Variants in OR51B5 observed in about 807,000 individuals in gnomAD.
The protein encoded by OR51B5 is olfactory receptor family 51 subfamily B member 5, also known as olfactory receptor 51B5.
For missense variants in OR51B5, 456 were observed against 374.6 expected, an observed-to-expected ratio of 1.22 and a Z score of -1.79; for synonymous variants, 186 against 144.8, an observed-to-expected ratio of 1.28 and a Z score of -2.04.
chr11:5,372,866 C>A (rs548270168), intron 1 of OR51B5, among the ~76,000 whole-genome samples: 1 of 152,256 alleles, frequency 6.6e-6, no homozygotes, highest in African/African-American at 2.4e-5. Flanking sequence ...ATGGCCAAAA[C>A]AATCTTGAGA....
intron 1 of OR51B5, chr11:5,390,402 T>G: frequency 1.3e-6 from 2 of 1,538,694 alleles, no homozygotes; most frequent in Non-Finnish European, 1.8e-6. Flanking sequence ...AAACTCCCCC[T>G]AGAGGCCTAT....
At chr11:5,388,950 C>T (rs913622201) in intron 1 of OR51B5, among the ~76,000 whole-genome samples, 1 of 151,918 alleles carries the variant, frequency 6.6e-6, no homozygotes, top group Non-Finnish European at 1.5e-5. Context: ...TGACTTGAGC[C>T]ACTGAGATAA....
At chr11:5,489,734 C>T (rs767656962) in intron 1 of OR51B5, 4 of 1,024,286 alleles carry the variant, frequency 3.9e-6, no homozygotes, top group Non-Finnish European at 4.5e-6. Flanking sequence ...CATGGACACA[C>T]AGTGATGATG....
intron 1 of OR51B5, among the ~76,000 whole-genome samples, chr11:5,446,121 G>A (rs568826148): frequency 1.3e-5 from 2 of 152,170 alleles, no homozygotes; most frequent in South Asian, 2.1e-4. Flanking sequence ...GGGGGAGAGT[G>A]GAGGGATAGC....
At chr11:5,492,252 TCA>T (rs1368959503) in intron 1 of OR51B5, among the ~76,000 whole-genome samples, 1 of 151,670 alleles carries the variant, frequency 6.6e-6, no homozygotes, top group East Asian at 1.9e-4. Context: ...ACACACTCAC[TCA>T]CACACATTTT....
intron 1 of OR51B5, among the ~76,000 whole-genome samples, chr11:5,488,518 A>G (rs402182): frequency 0.96 from 146,316 of 152,302 alleles, 70,318 homozygotes; most frequent in South Asian, 0.99. Flanking sequence ...AAATTAGCAG[A>G]AGGTTTTAAA....
At chr11:5,403,634 T>A in intron 1 of OR51B5, 1 of 396,640 alleles carries the variant, frequency 2.5e-6, no homozygotes, top group Admixed American at 2.8e-5. Context: ...GTTATGCGAT[T>A]GATATCACCT....
rs56677841 is a variant in OR51B5, at chr11:5,452,504, C to CAAAAAAAAAAAAA, written n.84+53052_84+53064dup. ...TGGGCAAAAGAGAGAGACTCTGTCTCAAAAAAAAAAAAAAAAAAAAAAAAA... is the reference window on the plus strand; with the variant it reads ...TGGGCAAAAGAGAGAGACTCTGTCTCAAAAAAAAAAAAAAAAAAAAAAAAAAAAAAAAAAAAAA... On this transcript the variant is annotated intron_variant and non_coding_transcript_variant, in intron 1 of 4. Transcript: ENST00000415970. 1.4e-4 allele frequency among the ~76,000 whole-genome samples: 10 copies of CAAAAAAAAAAAAA among 69,188 alleles called. 2 individuals carry two copies. Among genetic ancestry groups the CAAAAAAAAAAAAA allele is most frequent in the Non-Finnish European group, 2.1e-4 (8 of 38,396 alleles). The allele number at this position is 69,188 out of a possible 152,430, so 45.4% of individuals were successfully genotyped here. A position where few individuals can be genotyped will look rare whatever the true frequency, so the allele number is the denominator to read the frequency against.
chr11:5,361,915 C>T (rs1849291697), intron 1 of OR51B5, among the ~76,000 whole-genome samples: 1 of 152,004 alleles, frequency 6.6e-6, no homozygotes. Flanking sequence ...AGTACTTACT[C>T]CCAAAAAAGA....
At chr11:5,354,289 C>G (rs1849152434) in intron 1 of OR51B5, among the ~76,000 whole-genome samples, 1 of 152,174 alleles carries the variant, frequency 6.6e-6, no homozygotes, top group African/African-American at 2.4e-5. Context: ...GAAAATCTTT[C>G]TTGACTCACC....
chr11:5,389,967 T>A lies in OR51B5; in HGVS notation n.85-43057A>T, dbSNP rs369196155. 2.2e-5 allele frequency: 36 copies of A among 1,611,854 alleles called. No individual in the cohort carries two copies. The highest frequency in any genetic ancestry group is 3.0e-5 in the Non-Finnish European group (35 of 1,179,876). ...GGATCTGTGGTCCTCTCCCACTCATTTTGCCTGCACCAGGAAGTGATACAG... is the reference window on the plus strand; with the variant it reads ...GGATCTGTGGTCCTCTCCCACTCATATTGCCTGCACCAGGAAGTGATACAG... On this transcript the variant is annotated intron_variant and non_coding_transcript_variant, in intron 1 of 4. Coordinates refer to the OR51B5 transcript ENST00000415970.
chr11:5,503,139 T>C (rs1021522731), intron 1 of OR51B5, among the ~76,000 whole-genome samples: 4 of 152,170 alleles, frequency 2.6e-5, no homozygotes, highest in African/African-American at 9.7e-5. Flanking sequence ...TTTTCTATAT[T>C]CTTATTTTAC....
intron 1 of OR51B5, among the ~76,000 whole-genome samples, chr11:5,427,338 T>C (rs187870418): frequency 1.8e-4 from 27 of 151,358 alleles, no homozygotes; most frequent in Middle Eastern, 3.4e-3. Context: ...CCTACACATG[T>C]GTGCTGAAAT....
In OR51B5 at chr11:5,432,495, G is replaced by A. The variant is rs1850547415; in HGVS notation, n.84+73074C>T. ...TGAATGTAATAATACTATTCTTTCT[G>A]GTTGTAAGAAAAAATGAGAAAATTA... On this transcript the variant is annotated intron_variant and non_coding_transcript_variant, in intron 1 of 4. Coordinates refer to the OR51B5 transcript ENST00000415970. 3.9e-5 allele frequency among the ~76,000 whole-genome samples: 6 copies of A among 152,064 alleles called. No homozygotes were observed. The South Asian group carries it at 1.2e-3, about 32-fold the overall frequency.
Position 5,402,463 on chromosome 11 carries a change from C to T in OR51B5, n.85-55553G>A, listed in dbSNP as rs1589976512. 1.4e-5 allele frequency: 5 copies of T among 354,526 alleles called. No individual in the cohort carries two copies. The East Asian group carries it at 3.7e-4, about 26-fold the overall frequency. The allele number at this position is 354,526 out of a possible 1,614,324, so 22.0% of individuals were successfully genotyped here. On this transcript the variant is annotated intron_variant and non_coding_transcript_variant, in intron 1 of 4. Transcript: ENST00000415970. Reference sequence around the variant, plus strand: ...CAGTTTTTAGAAATAAGAAGTTTGGCCACATAAATCTGTGAGTTTGCTTTT... The same window carrying T: ...CAGTTTTTAGAAATAAGAAGTTTGGTCACATAAATCTGTGAGTTTGCTTTT...
intron 1 of OR51B5, chr11:5,422,744 C>T: frequency 6.2e-7 from 1 of 1,614,088 alleles, no homozygotes; most frequent in Non-Finnish European, 8.5e-7. Context: ...CTCCTATTGC[C>T]TCCACCAGGA....
intron 1 of OR51B5, chr11:5,455,250 G>T (rs1233633783): frequency 1.3e-5 from 2 of 151,764 alleles, no homozygotes; most frequent in Non-Finnish European, 2.9e-5. Flanking sequence ...TTGTGGTAGG[G>T]GCACAATTTC....
intron 1 of OR51B5, among the ~76,000 whole-genome samples, chr11:5,374,771 G>C (rs28772975): frequency 6.6e-6 from 1 of 151,600 alleles, no homozygotes; most frequent in Admixed American, 6.6e-5. Flanking sequence ...AGCGAGAAGG[G>C]AAGTTTAGAG....
upstream of OR51B5, among the ~76,000 whole-genome samples, chr11:5,345,552 ATATTCAC>A (rs1159869446): frequency 6.6e-6 from 1 of 152,218 alleles, no homozygotes; most frequent in African/African-American, 2.4e-5. Context: ...AGGGGGATAC[ATATTCAC>A]TTGTGAGGAA....
Sources: allele counts gnomAD v4.1 joint callset (sites outside exome capture counted in the v4.1 genomes callset), GRCh38; gene constraint gnomAD v4.1.1; transcripts MANE v1.5; gene names NCBI Gene and HGNC (gene_info 2026-07-23, HGNC 2026-07-21).